The following NKAIN2 variants were observed in gnomAD, a reference collection of about 807,000 sequenced individuals.
NKAIN2 encodes sodium/potassium transporting ATPase interacting 2, also known as sodium/potassium-transporting ATPase subunit beta-1-interacting protein 2.
A neutral mutation model predicts 32.6 loss-of-function variants in NKAIN2; 14 were observed. The observed-to-expected ratio is 0.43, with a 90% CI of 0.28 to 0.67. The LOEUF (loss-of-function observed/expected upper bound fraction) is 0.67, where lower values mean the gene tolerates loss of function less well. Ranked by LOEUF, NKAIN2 falls within the 30% of genes least tolerant of loss-of-function variation. NKAIN2 has a pLI of 0.17. For missense variants in NKAIN2, 198 were observed against 258.3 expected, an observed-to-expected ratio of 0.77 and a Z score of 1.60; for synonymous variants, 80 against 87.2, an observed-to-expected ratio of 0.92 and a Z score of 0.46.
chr6:124,563,722 A>T (rs897206347), intron 3 of NKAIN2, among the ~76,000 whole-genome samples: 1 of 152,212 alleles, frequency 6.6e-6, no homozygotes, highest in South Asian at 2.1e-4. Flanking sequence ...CAGTGGTGCG[A>T]TTGCGATCTC....
intron 4 of NKAIN2, among the ~76,000 whole-genome samples, chr6:124,762,811 T>G (rs1778332484): frequency 6.6e-6 from 1 of 152,002 alleles, no homozygotes; most frequent in African/African-American, 2.4e-5. Context: ...TCGGAGAGCG[T>G]TGGTTTGCAG....
At chr6:123,814,402 A>T (rs1346710323) in intron 1 of NKAIN2, among the ~76,000 whole-genome samples, 2 of 152,226 alleles carry the variant, frequency 1.3e-5, no homozygotes, top group East Asian at 1.9e-4. Flanking sequence ...CCTGGAATAG[A>T]TTTATTTTTA....
chr6:124,823,084 AT>A, intron 6 of NKAIN2, 135 bp from the exon 7 acceptor site: 1 of 738,680 alleles, frequency 1.4e-6, no homozygotes, highest in South Asian at 1.5e-5. Context: ...AAAATTATCT[AT>A]TTAAAACCCA....
chr6:123,901,843 A>G (rs999506655), intron 1 of NKAIN2, among the ~76,000 whole-genome samples: 27 of 152,138 alleles, frequency 1.8e-4, no homozygotes, highest in Admixed American at 5.2e-4. Context: ...TTGAGAAAGT[A>G]TAGCTTAAAT....
intron 1 of NKAIN2, among the ~76,000 whole-genome samples, chr6:124,098,995 T>C (rs1405138122): frequency 6.6e-6 from 1 of 152,144 alleles, no homozygotes; most frequent in Non-Finnish European, 1.5e-5. Context: ...AGTTAGGTTA[T>C]CCTATTTTCC....
chr6:123,856,724 T>A (rs934309059), intron 1 of NKAIN2, among the ~76,000 whole-genome samples: 2 of 152,206 alleles, frequency 1.3e-5, no homozygotes, highest in Admixed American at 6.5e-5. Context: ...ACATTCAGAT[T>A]TGGGGCTCCA....
chr6:124,328,473 T>C (rs1368005364), intron 2 of NKAIN2, among the ~76,000 whole-genome samples: 3 of 152,340 alleles, frequency 2.0e-5, no homozygotes, highest in South Asian at 2.1e-4. Context: ...CTCTTTGCTA[T>C]AATCTGTAGT....
intron 3 of NKAIN2, among the ~76,000 whole-genome samples, chr6:124,418,942 A>T (rs1215104778): frequency 4.6e-5 from 7 of 152,104 alleles, no homozygotes. Context: ...TCTTTCTTAC[A>T]TGCTTTGCAA....
intron 3 of NKAIN2, among the ~76,000 whole-genome samples, chr6:124,591,804 T>C (rs1367394848): frequency 6.6e-6 from 1 of 152,068 alleles, no homozygotes; most frequent in East Asian, 1.9e-4. Flanking sequence ...AAAGGAAACG[T>C]GGTTATAGTG....
Position 124,079,891 on chromosome 6 carries a change from G to T in NKAIN2, c.55-203114G>T, listed in dbSNP as rs190426389. On this transcript the variant is annotated intron_variant, in intron 1 of 6. Transcript: ENST00000368417. ...GCGAACAAAGGTAAAGTTAAAGGTAGTGGGCAGAAAGGAAAGAAAGGGTGG... is the reference window on the plus strand; with the variant it reads ...GCGAACAAAGGTAAAGTTAAAGGTATTGGGCAGAAAGGAAAGAAAGGGTGG... 1.1e-4 allele frequency among the ~76,000 whole-genome samples: 16 copies of T among 151,824 alleles called. No individual in the cohort carries two copies. The East Asian group carries it at 2.7e-3, about 26-fold the overall frequency.
chr6:123,821,133 A>G (rs919608026), intron 1 of NKAIN2, among the ~76,000 whole-genome samples: 1 of 152,226 alleles, frequency 6.6e-6, no homozygotes, highest in African/African-American at 2.4e-5. Flanking sequence ...TCACTAGATC[A>G]TTATACAAAT....
chr6:124,640,400 A>G (rs1783940544), intron 3 of NKAIN2, among the ~76,000 whole-genome samples: 1 of 152,230 alleles, frequency 6.6e-6, no homozygotes, highest in Non-Finnish European at 1.5e-5. Context: ...AAATGGCAGT[A>G]ATATCTCTGG....
At chr6:124,455,260 G>A (rs1776275948) in intron 3 of NKAIN2, among the ~76,000 whole-genome samples, 2 of 151,964 alleles carry the variant, frequency 1.3e-5, no homozygotes, top group Non-Finnish European at 2.9e-5. Flanking sequence ...ATGTTGATGT[G>A]CGTGCAAAAG....
chr6:124,671,803 GC>G (rs1220617262), intron 4 of NKAIN2, among the ~76,000 whole-genome samples: 1 of 151,464 alleles, frequency 6.6e-6, no homozygotes, highest in East Asian at 1.9e-4. Context: ...ATTGATTCTG[GC>G]CTCACAAACC....
At chr6:124,818,354 T>G (rs1256474385) in intron 5 of NKAIN2, 33 bp from the exon 6 acceptor site, 1 of 1,249,600 alleles carries the variant, frequency 8.0e-7, no homozygotes. Flanking sequence ...ATATCTCTTC[T>G]GAAAAGCTAA....
intron 1 of NKAIN2, among the ~76,000 whole-genome samples, chr6:124,256,689 A>C (rs996488167): frequency 6.6e-6 from 1 of 152,130 alleles, no homozygotes; most frequent in African/African-American, 2.4e-5. Context: ...CAGTTTCTTC[A>C]TCTTTGCAGC....
chr6:124,118,508 G>T (rs1344952617), intron 1 of NKAIN2, among the ~76,000 whole-genome samples: 1 of 151,998 alleles, frequency 6.6e-6, no homozygotes, highest in Non-Finnish European at 1.5e-5. Flanking sequence ...AACAATTTTT[G>T]CATTCCAGTT....
chr6:124,766,840 C>T (rs1302491437), intron 4 of NKAIN2, among the ~76,000 whole-genome samples: 2 of 152,074 alleles, frequency 1.3e-5, no homozygotes, highest in Admixed American at 6.6e-5. Context: ...ATTGAGAAGG[C>T]TTTTGAGCTG....
intron 1 of NKAIN2, among the ~76,000 whole-genome samples, chr6:123,818,154 A>T (rs971833742): frequency 7.9e-5 from 12 of 152,212 alleles, no homozygotes; most frequent in African/African-American, 2.7e-4. Flanking sequence ...AAAAGATTTA[A>T]GATAGGAATG....
Sources: allele counts gnomAD v4.1 joint callset (sites outside exome capture counted in the v4.1 genomes callset), GRCh38; gene constraint gnomAD v4.1.1; transcripts MANE v1.5; gene names NCBI Gene and HGNC (gene_info 2026-07-23, HGNC 2026-07-21).